The following PDE8A variants were observed in gnomAD, a reference collection of about 807,000 sequenced individuals.
The protein encoded by PDE8A is high affinity cAMP-specific and IBMX-insensitive 3',5'-cyclic phosphodiesterase 8A.
In PDE8A, 59 loss-of-function variants were observed where a neutral mutation model predicts 105.0. The observed-to-expected ratio is 0.56, with a 90% confidence interval of 0.46 to 0.70. The LOEUF (loss-of-function observed/expected upper bound fraction) is 0.70. Among genes scored for constraint, PDE8A ranks in the 30% least tolerant of loss-of-function variants. PDE8A has a pLI of 0.00. For synonymous variants in PDE8A, 355 were observed against 371.9 expected (o/e 0.95, Z 0.52); for missense variants, 1,014 against 1,045.9 (o/e 0.97, Z 0.42).
intron 1 of PDE8A, among the ~76,000 whole-genome samples, chr15:85,056,142 C>T (rs12913075): frequency 0.47 from 70,324 of 151,226 alleles, 16,410 homozygotes; most frequent in Middle Eastern, 0.54. Flanking sequence ...TGGCCCCCAC[C>T]CTCTTCTGGC....
chr15:85,006,198 GC>G (rs1316671436), intron 1 of PDE8A, among the ~76,000 whole-genome samples: 1 of 151,994 alleles, frequency 6.6e-6, no homozygotes, highest in Admixed American at 6.6e-5. Flanking sequence ...CACCAGCATG[GC>G]ACATGTATAC....
At chr15:85,047,748 G>A (rs1458072941) in intron 1 of PDE8A, among the ~76,000 whole-genome samples, 1 of 152,128 alleles carries the variant, frequency 6.6e-6, no homozygotes, top group African/African-American at 2.4e-5. Context: ...AGCTTTTGGT[G>A]TAGACCACAT....
intron 1 of PDE8A, among the ~76,000 whole-genome samples, chr15:85,017,571 T>G (rs955504094): frequency 3.2e-4 from 49 of 152,104 alleles, no homozygotes; most frequent in African/African-American, 1.2e-3. Flanking sequence ...CCATTAATAT[T>G]TAGCAGACTT....
At chr15:85,101,201 C>T (rs1010580988) in intron 11 of PDE8A, among the ~76,000 whole-genome samples, 4 of 152,200 alleles carry the variant, frequency 2.6e-5, no homozygotes, top group African/African-American at 9.6e-5. Context: ...GGAGGACTGA[C>T]ACTAGGGCTC....
intron 1 of PDE8A, among the ~76,000 whole-genome samples, chr15:85,015,040 T>A (rs1167397344): frequency 6.6e-6 from 1 of 152,184 alleles, no homozygotes; most frequent in Non-Finnish European, 1.5e-5. Context: ...CTGGCCTTTG[T>A]GTCTGGTTTC....
intron 1 of PDE8A, among the ~76,000 whole-genome samples, chr15:85,046,106 C>T (rs577021686): frequency 1.4e-5 from 2 of 144,492 alleles, no homozygotes; most frequent in Non-Finnish European, 3.0e-5. Flanking sequence ...CTCGCCCTGT[C>T]ACCCAGGCTG....
At chr15:85,050,698 A>C (rs140893366) in intron 1 of PDE8A, among the ~76,000 whole-genome samples, 1 of 152,178 alleles carries the variant, frequency 6.6e-6, no homozygotes, top group African/African-American at 2.4e-5. Flanking sequence ...CTAGTACCAC[A>C]TTATTTTGAT....
intron 5 of PDE8A, among the ~76,000 whole-genome samples, chr15:85,082,926 G>A (rs148550339): frequency 2.0e-5 from 3 of 152,336 alleles, no homozygotes; most frequent in African/African-American, 7.2e-5. Flanking sequence ...CTATGTAAAG[G>A]TTATACAAAA....
upstream of PDE8A, chr15:84,981,846 C>T (rs1295690544): frequency 5.4e-5 from 10 of 184,482 alleles, no homozygotes; most frequent in East Asian, 1.3e-3. Flanking sequence ...CCCCCTATTT[C>T]CCCGGAAGCG....
At position 85,100,078 on chromosome 15, in the gene PDE8A, G is replaced by A. The variant is rs1028216523; in HGVS notation, c.993+12G>A. The A allele has an allele frequency of 1.9e-5, 31 of 1,613,458 alleles. No individual in the cohort carries two copies. Among genetic ancestry groups the A allele is most frequent in the African/African-American group, 2.7e-5 (2 of 74,910 alleles). On this transcript the variant is annotated intron_variant, in intron 10 of 21. Transcript: ENST00000394553. ...ATGGCAACAATAAGGTACGTAAGGA[G>A]AGCCCCCCGGGGCCCCAGGAACACC...
intron 8 of PDE8A, among the ~76,000 whole-genome samples, chr15:85,094,951 T>C (rs557187938): frequency 8.5e-5 from 13 of 152,194 alleles, no homozygotes; most frequent in African/African-American, 3.1e-4. Flanking sequence ...ATTCTATAGT[T>C]GAACCTCAGC....
intron 1 of PDE8A, among the ~76,000 whole-genome samples, chr15:85,018,967 T>A (rs1372817668): frequency 6.6e-6 from 1 of 152,218 alleles, no homozygotes; most frequent in African/African-American, 2.4e-5. Flanking sequence ...AAAAATGGAT[T>A]TTGGTATTTT....
chr15:85,117,616 A>G lies in PDE8A; in HGVS notation c.1536-25A>G, dbSNP rs1397815061. 4.4e-6 allele frequency: 7 copies of G among 1,598,890 alleles called. No homozygotes were observed. In the Middle Eastern group the frequency reaches 5.0e-4, roughly 114 times the overall value. On this transcript the variant is annotated intron_variant, in intron 16 of 21. Transcript: ENST00000394553. ...GCCTGTTTGTTTGCTTTGTTCTAAT[A>G]TTGTGGGGTTTTTTCTGTCTATAGG...
chr15:85,103,436 C>G (rs1333049778), intron 11 of PDE8A, among the ~76,000 whole-genome samples: 1 of 152,160 alleles, frequency 6.6e-6, no homozygotes, highest in Non-Finnish European at 1.5e-5. Flanking sequence ...CTTGCCCATC[C>G]TACCTACCCC....
intron 16 of PDE8A, 56 bp from the exon 17 acceptor site, chr15:85,117,585 C>T (rs2082115598): frequency 1.4e-6 from 2 of 1,460,704 alleles, no homozygotes; most frequent in Admixed American, 1.7e-5. Context: ...AGGCCTTAAA[C>T]ACTTGGCCTG....
intron 1 of PDE8A, among the ~76,000 whole-genome samples, chr15:85,058,065 G>T (rs970415295): frequency 2.6e-5 from 4 of 152,084 alleles, no homozygotes; most frequent in African/African-American, 9.7e-5. Context: ...TGTTACCTAG[G>T]CTGGAATGCA....
intron 1 of PDE8A, among the ~76,000 whole-genome samples, chr15:85,036,528 A>G (rs289384): frequency 0.83 from 126,609 of 151,708 alleles, 53,388 homozygotes; most frequent in African/African-American, 0.96. Context: ...GAGTAAAGCT[A>G]TGAGCCCACA....
At chr15:85,107,039 G>A (rs927611292) in intron 11 of PDE8A, among the ~76,000 whole-genome samples, 1 of 152,184 alleles carries the variant, frequency 6.6e-6, no homozygotes, top group Non-Finnish European at 1.5e-5. Context: ...TGTTAGCAAG[G>A]AAGGCAAGAA....
chr15:85,018,083 A>C (rs1438307037), intron 1 of PDE8A, among the ~76,000 whole-genome samples: 1 of 152,158 alleles, frequency 6.6e-6, no homozygotes. Context: ...CACTTTGGCT[A>C]TCAAGTGAAA....
Sources: allele counts gnomAD v4.1 joint callset (sites outside exome capture counted in the v4.1 genomes callset), GRCh38; gene constraint gnomAD v4.1.1; transcripts MANE v1.5; gene names NCBI Gene and HGNC (gene_info 2026-07-23, HGNC 2026-07-21).